NRG3: variants seen among roughly 807,000 people sequenced by gnomAD.
NRG3 encodes the protein pro-neuregulin-3, membrane-bound isoform.
NRG3 carries 31 observed loss-of-function variants against 66.9 expected under a neutral mutation model. The observed-to-expected ratio is 0.46, with a 90% CI of 0.35 to 0.63. The LOEUF (loss-of-function observed/expected upper bound fraction) is 0.63, where lower values mean the gene tolerates loss of function less well. Among genes scored for constraint, NRG3 ranks in the 20% least tolerant of loss-of-function variants. NRG3 has a pLI of 0.00. For synonymous variants in NRG3, 393 were observed against 359.4 expected (o/e 1.09, Z -1.06); for missense variants, 910 against 878.9 (o/e 1.04, Z -0.45).
chr10:82,632,166 T>C (rs2049888713), intron 2 of NRG3, among the ~76,000 whole-genome samples: 2 of 152,164 alleles, frequency 1.3e-5, no homozygotes, highest in South Asian at 4.1e-4. Flanking sequence ...GACTCAGCTA[T>C]TGATAACATT....
chr10:82,781,380 A>C (rs2060112469), intron 3 of NRG3, among the ~76,000 whole-genome samples: 1 of 152,154 alleles, frequency 6.6e-6, no homozygotes, highest in Non-Finnish European at 1.5e-5. Context: ...ATACTTCTTA[A>C]TCTGACCTTA....
chr10:81,979,712 A>C (rs1013872858), intron 1 of NRG3, among the ~76,000 whole-genome samples: 3 of 152,248 alleles, frequency 2.0e-5, no homozygotes, highest in Non-Finnish European at 4.4e-5. Flanking sequence ...ACATGCATGC[A>C]CAAACACACA....
At chr10:82,469,419 A>G (rs144945930) in intron 2 of NRG3, among the ~76,000 whole-genome samples, 1 of 152,282 alleles carries the variant, frequency 6.6e-6, no homozygotes, top group East Asian at 1.9e-4. Flanking sequence ...TATCAAACAG[A>G]ACTTAAAGGT....
chr10:82,729,145 A>G (rs2057764402), intron 2 of NRG3, among the ~76,000 whole-genome samples: 1 of 152,178 alleles, frequency 6.6e-6, no homozygotes, highest in South Asian at 2.1e-4. Flanking sequence ...TCCTGCAGCC[A>G]AAGACATGCC....
intron 2 of NRG3, among the ~76,000 whole-genome samples, chr10:82,618,149 T>G (rs2048788484): frequency 6.6e-6 from 1 of 152,220 alleles, no homozygotes; most frequent in Non-Finnish European, 1.5e-5. Flanking sequence ...TGAGTTTTAT[T>G]ACGAGACTGA....
intron 1 of NRG3, among the ~76,000 whole-genome samples, chr10:82,299,442 C>G (rs1005291905): frequency 3.3e-5 from 5 of 152,070 alleles, no homozygotes; most frequent in Admixed American, 6.6e-5. Flanking sequence ...ATCTGGCCAG[C>G]AGGCTGTGTT....
chr10:82,839,859 A>G (rs1227685581), intron 3 of NRG3, among the ~76,000 whole-genome samples: 1 of 152,126 alleles, frequency 6.6e-6, no homozygotes, highest in African/African-American at 2.4e-5. Context: ...ATCTTTCTAA[A>G]CAATCACTCT....
At chr10:82,622,523 G>C (rs766626506) in intron 2 of NRG3, among the ~76,000 whole-genome samples, 1 of 152,040 alleles carries the variant, frequency 6.6e-6, no homozygotes, top group Non-Finnish European at 1.5e-5. Context: ...AACTTATGAC[G>C]GTTTGACTTA....
chr10:81,946,714 A>G (rs1191534361), intron 1 of NRG3, among the ~76,000 whole-genome samples: 2 of 152,158 alleles, frequency 1.3e-5, no homozygotes, highest in African/African-American at 4.8e-5. Flanking sequence ...AAAAATGAAA[A>G]TATTTTATGA....
At chr10:81,964,824 T>C (rs1324430068) in intron 1 of NRG3, among the ~76,000 whole-genome samples, 1 of 152,216 alleles carries the variant, frequency 6.6e-6, no homozygotes, top group Admixed American at 6.5e-5. Context: ...ATTTCCATGT[T>C]CATTAATTAG....
intron 1 of NRG3, among the ~76,000 whole-genome samples, chr10:82,023,610 A>T (rs994947096): frequency 6.6e-6 from 1 of 152,092 alleles, no homozygotes; most frequent in African/African-American, 2.4e-5. Flanking sequence ...AGCTATGATC[A>T]TATGGCTTTT....
chr10:81,980,169 T>C (rs2060281480), intron 1 of NRG3, among the ~76,000 whole-genome samples: 1 of 152,232 alleles, frequency 6.6e-6, no homozygotes, highest in Non-Finnish European at 1.5e-5. Context: ...GATAAAGAAT[T>C]CAAGCTTCTT....
chr10:82,197,957 A>G (rs1277832272), intron 1 of NRG3, among the ~76,000 whole-genome samples: 1 of 152,158 alleles, frequency 6.6e-6, no homozygotes, highest in African/African-American at 2.4e-5. Context: ...ATTATATAGA[A>G]TATTATGGTG....
At chr10:82,753,894 C>T (rs539312997) in intron 3 of NRG3, among the ~76,000 whole-genome samples, 1 of 151,236 alleles carries the variant, frequency 6.6e-6, no homozygotes, top group Admixed American at 6.6e-5. Flanking sequence ...TTGCAGTGAG[C>T]CAAGATCATG....
intron 1 of NRG3, among the ~76,000 whole-genome samples, chr10:81,881,776 A>G (rs962880815): frequency 3.9e-5 from 6 of 152,076 alleles, no homozygotes; most frequent in African/African-American, 1.4e-4. Flanking sequence ...GTATGTGTCT[A>G]CTGGTTTAAG....
chr10:82,264,789 G>A (rs1464269216), intron 1 of NRG3, among the ~76,000 whole-genome samples: 1 of 152,148 alleles, frequency 6.6e-6, no homozygotes, highest in Non-Finnish European at 1.5e-5. Flanking sequence ...GTGCCACTGA[G>A]AGGTCAGGTA....
chr10:82,978,840 G>T (rs1489732444), intron 7 of NRG3, 110 bp from the exon 8 acceptor site: 1 of 1,156,644 alleles, frequency 8.6e-7, no homozygotes, highest in Non-Finnish European at 1.2e-6. Context: ...AGAACTTTGA[G>T]AATTTGGGGT....
chr10:82,089,126 A>T (rs777318555), intron 1 of NRG3, among the ~76,000 whole-genome samples: 1 of 152,088 alleles, frequency 6.6e-6, no homozygotes, highest in Non-Finnish European at 1.5e-5. Context: ...GTCTACAGTT[A>T]GTTTTAGGAA....
At chr10:82,599,265 T>G (rs1169608923) in intron 2 of NRG3, among the ~76,000 whole-genome samples, 1 of 152,080 alleles carries the variant, frequency 6.6e-6, no homozygotes, top group Non-Finnish European at 1.5e-5. Flanking sequence ...TATTTTTCAT[T>G]TTAATATTAG....
Sources: gnomAD v4.1 joint callset for allele counts (sites outside exome capture counted in the v4.1 genomes callset) on GRCh38, gnomAD v4.1.1 for gene constraint, MANE v1.5 for transcripts, NCBI Gene and HGNC (gene_info 2026-07-23, HGNC 2026-07-21) for gene names.